Variants in GCN1 observed in about 807,000 individuals in gnomAD.
GCN1 encodes the protein stalled ribosome sensor GCN1.
A neutral mutation model predicts 288.4 loss-of-function variants in GCN1; 90 were observed. The observed-to-expected ratio is 0.31, with a 90% confidence interval of 0.26 to 0.37. GCN1 has a LOEUF of 0.37. GCN1 is among the 10% of genes least tolerant of loss of function. The pLI is 1.00. For synonymous variants in GCN1, 1,386 were observed against 1,420.2 expected, an observed-to-expected ratio of 0.98 and a Z score of 0.54; for missense variants, 2,586 against 3,419.9, an observed-to-expected ratio of 0.76 and a Z score of 6.08.
chr12:120,153,782 A>G lies in GCN1; in HGVS notation c.3829T>C (p.Leu1277=). 1 of 1,614,124 alleles carries G rather than the reference A, an allele frequency of 6.2e-7. No homozygotes were observed. The highest frequency in any genetic ancestry group is 8.5e-7 in the Non-Finnish European group (1 of 1,179,998). ...DRHPDVRKCM[L]DAALATLNTH... is the part of the protein sequence containing the mutation. The stretch of plus-strand genomic sequence containing the variant: ...TTGAGCGTTGCGAGGGCTGCATCCA[A>G]CATGCACTTCCGGACATCTGGGTGT... Residue 1277 remains leucine, a synonymous_variant, in exon 32 of 58, where the codon TTG becomes CTG. Transcript: ENST00000300648. This position sits in a 1 kb window ranked among gnomAD's most constrained non-coding sequence, Gnocchi z 4.4.
At position 120,137,905 on chromosome 12, in the gene GCN1, T is replaced by C. The variant is rs1229326594; in HGVS notation, c.6389A>G (p.Gln2130Arg). 1.9e-6 allele frequency: 3 copies of C among 1,614,032 alleles called. No individual in the cohort carries two copies. Among genetic ancestry groups the C allele is most frequent in the Non-Finnish European group, 2.5e-6 (3 of 1,180,008 alleles). Residue 2130 changes from glutamine (Q) to arginine (R), a missense_variant, in exon 48 of 58, where the codon CAG becomes CGG. Physicochemically the swap from Gln to Arg is conservative, Grantham distance 43. Coordinates refer to ENST00000300648, the MANE Select transcript of GCN1 (RefSeq NM_006836.2). The surrounding 1 kb of genome is among the most constrained non-coding windows in gnomAD (Gnocchi z 5.2). Reference sequence around the variant, plus strand: ...AGGAGCAGGCTCGCCCCTTACCAGCTGCTCATCTGGGGTCCCAAGCTTTTC... The same window carrying C: ...AGGAGCAGGCTCGCCCCTTACCAGCCGCTCATCTGGGGTCCCAAGCTTTTC... The part of the protein sequence containing the change: ...LKEKLGTPDE[Q>R]LEMANCQAVI...
intron 22 of GCN1, among the ~76,000 whole-genome samples, chr12:120,160,688 AACTC>A (rs1877897624): frequency 6.6e-6 from 1 of 152,226 alleles, no homozygotes; most frequent in Non-Finnish European, 1.5e-5. Flanking sequence ...CAAGCCACAG[AACTC>A]ACTCACTCAT....
chr12:120,142,627 C>T lies in GCN1; in HGVS notation c.5709G>A (p.Ala1903=), dbSNP rs761550312. The change falls in exon 44 of 58, where the codon GCG becomes GCA. Residue 1903 remains alanine (A), a synonymous_variant. Transcript: ENST00000300648. This position sits in a 1 kb window ranked among gnomAD's most constrained non-coding sequence, Gnocchi z 4.9. ...RSDTQLVVRQ[A]SLHVWKIVVS... ...CAACAATCTTCCAGACATGCAGGGA[C>T]GCCTGCCGCACCACCAGCTGGGTGT... is the stretch of plus-strand genomic sequence containing the variant. 14 of 1,613,658 alleles carry T rather than the reference C, an allele frequency of 8.7e-6. No homozygotes were observed. The highest frequency in any genetic ancestry group is 8.3e-5 in the Admixed American group (5 of 60,010).
At chr12:120,193,722 G>A (rs1879081353) in intron 1 of GCN1, among the ~76,000 whole-genome samples, 1 of 152,196 alleles carries the variant, frequency 6.6e-6, no homozygotes, top group African/African-American at 2.4e-5. Context: ...TAAACATTCA[G>A]CATGTATTCC....
intron 20 of GCN1, 152 bp from the exon 21 acceptor site, chr12:120,162,210 T>G (rs1877955034): frequency 3.1e-6 from 2 of 636,558 alleles, no homozygotes; most frequent in South Asian, 3.9e-5. Context: ...CCGGCTGGAG[T>G]CTGCGTCTGC....
rs1292081465 is a variant in GCN1, at chr12:120,153,490, A to T, written c.3868-83T>A. On this transcript the variant is annotated intron_variant, in intron 32 of 57. Transcript: ENST00000300648. The surrounding 1 kb of genome is among the most constrained non-coding windows in gnomAD (Gnocchi z 4.4). ...AACAGTCCCTGCCCTGAGGACCAAG[A>T]CCAAGTCTAGCTCTGGGACAGGCAT... The T allele has an allele frequency of 7.9e-7, 1 of 1,273,350 alleles. No individual in the cohort carries two copies. The highest frequency in any genetic ancestry group is 1.1e-6 in the Non-Finnish European group (1 of 910,956). 78.9% of individuals were successfully genotyped at this position (1,273,350 alleles called of 1,614,324 possible).
chr12:120,162,766 T>A (rs1594276339), intron 20 of GCN1, 81 bp downstream of exon 20: 2 of 1,469,502 alleles, frequency 1.4e-6, no homozygotes, highest in Non-Finnish European at 1.9e-6. Context: ...CACCTGCTTC[T>A]TTGAATCCTC....
Position 120,137,119 on chromosome 12 carries a change from C to T in GCN1, c.6777+87G>A, listed in dbSNP as rs1877030418. The T allele has an allele frequency of 2.2e-6, 2 of 922,458 alleles. No individual in the cohort carries two copies. The highest frequency in any genetic ancestry group is 1.6e-5 in the African/African-American group (1 of 61,800). 57.1% of individuals were successfully genotyped at this position (922,458 alleles called of 1,614,324 possible). A position where few individuals can be genotyped will look rare whatever the true frequency, so the allele number is the denominator to read the frequency against. On this transcript the variant is annotated intron_variant, in intron 50 of 57. Transcript: ENST00000300648. The surrounding 1 kb of genome is among the most constrained non-coding windows in gnomAD (Gnocchi z 5.2). Reference sequence around the variant, plus strand: ...CACCACGGCTACTGCTCCAGCAGCCCCTACCGCAGACCTGGGACAGGGGTA... The same window carrying T: ...CACCACGGCTACTGCTCCAGCAGCCTCTACCGCAGACCTGGGACAGGGGTA...
chr12:120,187,140 G>A (rs533990770), intron 2 of GCN1, among the ~76,000 whole-genome samples: 1 of 152,210 alleles, frequency 6.6e-6, no homozygotes, highest in Admixed American at 6.5e-5. Flanking sequence ...CAAATGAGAA[G>A]TTGGGTGAAG....
rs759452889 is a variant in GCN1, at chr12:120,164,655, T to C, written c.1679A>G (p.Asn560Ser). ...AGCCAGCCTCACGTACTGAACTTTG[T>C]TGCCAGTGAGTCTATGCGGGTGGTC... is the stretch of plus-strand genomic sequence containing the variant. ...FLDHPHRLTG[N>S]KVQQYHRALV... Residue 560 changes from asparagine (N) to serine (S), a missense_variant, in exon 17 of 58, where the codon AAC becomes AGC. Physicochemically the swap from Asn to Ser is conservative, Grantham distance 46 (BLOSUM62 1). Transcript: ENST00000300648. The C allele has an allele frequency of 1.9e-6, 3 of 1,613,450 alleles. No homozygotes were observed. Among genetic ancestry groups the C allele is most frequent in the Admixed American group, 1.7e-5 (1 of 60,024 alleles).
At position 120,155,681 on chromosome 12, in the gene GCN1, A is replaced by G. The variant is rs749562414; in HGVS notation, c.3351T>C (p.Asp1117=). The G allele has an allele frequency of 2.5e-6, 4 of 1,613,916 alleles. No individual in the cohort carries two copies. In the Admixed American group the frequency reaches 6.7e-5, roughly 27 times the overall value. The change falls in exon 29 of 58, where the codon GAT becomes GAC. Residue 1117 remains aspartate (D), a synonymous_variant. Transcript: ENST00000300648. This position sits in a 1 kb window ranked among gnomAD's most constrained non-coding sequence, Gnocchi z 4.9. ...GGTTCAGGCCATTCTTCTCATCAGT[A>G]TCAGGTGCTGGCAATACCATGTGGA... The part of the protein sequence containing the change: ...MELHMVLPAP[D]TDEKNGLNLL...
At chr12:120,187,580 T>C (rs1206373885) in intron 2 of GCN1, among the ~76,000 whole-genome samples, 5 of 151,906 alleles carry the variant, frequency 3.3e-5, no homozygotes, top group Non-Finnish European at 5.9e-5. Flanking sequence ...AAAACACAAA[T>C]GCTGGGTTCT....
intron 15 of GCN1, among the ~76,000 whole-genome samples, chr12:120,169,866 ACTG>A (rs1348603374): frequency 6.6e-6 from 1 of 152,184 alleles, no homozygotes; most frequent in Non-Finnish European, 1.5e-5. Flanking sequence ...TGAATTTTGT[ACTG>A]TATGAATGTA....
intron 19 of GCN1, 38 bp from the exon 20 acceptor site, chr12:120,163,009 G>A (rs1877979369): frequency 6.2e-7 from 1 of 1,613,796 alleles, no homozygotes; most frequent in South Asian, 1.1e-5. Flanking sequence ...CTTCTGCCTG[G>A]CCTGCTCTTA....
chr12:120,137,068 T>C lies in GCN1; in HGVS notation c.6777+138A>G. Reference sequence around the variant, plus strand: ...CTGACTGCCATGGAAGAAAACATGCTGTCTGCGAAGGTGCTGAACACCAAC... The same window carrying C: ...CTGACTGCCATGGAAGAAAACATGCCGTCTGCGAAGGTGCTGAACACCAAC... On this transcript the variant is annotated intron_variant, in intron 50 of 57. Transcript: ENST00000300648. The surrounding 1 kb of genome is among the most constrained non-coding windows in gnomAD (Gnocchi z 5.2). 1 of 680,942 alleles carries C rather than the reference T, an allele frequency of 1.5e-6. No homozygotes were observed. The highest frequency in any genetic ancestry group is 2.5e-5 in the East Asian group (1 of 39,586). 42.2% of individuals were successfully genotyped at this position (680,942 alleles called of 1,614,324 possible).
chr12:120,127,927 C>G lies in GCN1; in HGVS notation c.7938G>C (p.Glu2646Asp). Residue 2646 changes from glutamate (E) to aspartate (D), a missense_variant, in exon 58 of 58, where the codon GAG becomes GAC. Around this residue, in one of 8 missense-constraint regions of GCN1, gnomAD observed 355 missense variants for 431.1 expected, o/e 0.82. Transcript: ENST00000300648. ...LDVASLEVLNEVNRRSLKKLA... is the reference protein window; with the variant it reads ...LDVASLEVLNDVNRRSLKKLA... ...GCTTCTTCAGGGACCTTCGGTTAAC[C>G]TCGTTCAGCACCTCCAAACTGGCCA... 2 of 1,614,138 alleles carry G rather than the reference C, an allele frequency of 1.2e-6. No individual in the cohort carries two copies. The highest frequency in any genetic ancestry group is 1.7e-6 in the Non-Finnish European group (2 of 1,179,986).
intron 53 of GCN1, among the ~76,000 whole-genome samples, chr12:120,133,799 T>C (rs1298610313): frequency 6.6e-6 from 1 of 152,196 alleles, no homozygotes; most frequent in Non-Finnish European, 1.5e-5. Flanking sequence ...CCGGGCGCGG[T>C]GGCTCATGCC....
intron 5 of GCN1, among the ~76,000 whole-genome samples, chr12:120,181,555 C>T (rs1398296715): frequency 6.7e-6 from 1 of 150,302 alleles, no homozygotes; most frequent in Non-Finnish European, 1.5e-5. Flanking sequence ...GTAGGCTGGG[C>T]ACGACCAGGT....
At chr12:120,151,453 G>T in intron 33 of GCN1, 62 bp from the exon 34 acceptor site, 1 of 1,573,426 alleles carries the variant, frequency 6.4e-7, no homozygotes, top group Non-Finnish European at 8.6e-7. Context: ...GGTTGGTGGG[G>T]GGTCTGACCA....
Sources: allele counts gnomAD v4.1 joint callset (sites outside exome capture counted in the v4.1 genomes callset), GRCh38; gene constraint gnomAD v4.1.1; regional missense constraint gnomAD v4.1.1; non-coding constraint Gnocchi (gnomAD v3.1); transcripts MANE v1.5; gene names NCBI Gene and HGNC (gene_info 2026-07-23, HGNC 2026-07-21).